PMEL: variants seen among roughly 807,000 people sequenced by gnomAD.
The protein encoded by PMEL is melanocyte protein PMEL.
A neutral mutation model predicts 64.9 loss-of-function variants in PMEL; 53 were observed. The observed-to-expected ratio is 0.82, with a 90% CI of 0.66 to 1.03. PMEL has a LOEUF of 1.03. Ranked by LOEUF, PMEL falls within the 50% of genes least tolerant of loss-of-function variation. The pLI, the probability that PMEL is intolerant of heterozygous loss-of-function variation, is 0.00. For missense variants in PMEL, 716 were observed against 814.9 expected (o/e 0.88, Z 1.48); for synonymous variants, 299 against 316.2 (o/e 0.95, Z 0.58).
rs560810723 is a variant in PMEL at position 55,957,061 on chromosome 12, T to C, written c.1242A>G (p.Thr414=). 6.2e-7 allele frequency: 1 copy of C among 1,614,272 alleles called. No individual in the cohort carries two copies. Among genetic ancestry groups the C allele is most frequent in the East Asian group, 2.2e-5 (1 of 44,892 alleles). ...ACTCTGTAGTTGTTACCTGTGCAGC[T>C]GTGGTTCCAGAAAGCACCACAATTG... The part of the protein sequence containing the change: ...EVSIVVLSGT[T]AAQVTTTEWV... The change falls in exon 6 of 11, where the codon ACA becomes ACG. Residue 414 remains threonine (T), a synonymous_variant. Coordinates refer to ENST00000548747, the MANE Select transcript of PMEL (RefSeq NM_001384361.1).
Position 55,966,000 on chromosome 12 carries a change from C to A in PMEL, c.12G>T (p.Val4=). Residue 4 remains valine (V), a synonymous_variant, in exon 1 of 11, where the codon GTG becomes GTT. Transcript: ENST00000548747. ...CCAAATGAAGAAGGCATCTTTTTAG[C>A]ACCAGATCCATTGTGTTCTTCCCTC... MDL[V]LKRCLLHLAV... The A allele has an allele frequency of 6.2e-7, 1 of 1,614,224 alleles. No homozygotes were observed. The highest frequency in any genetic ancestry group is 8.5e-7 in the Non-Finnish European group (1 of 1,180,018).
At position 55,954,166 on chromosome 12, in the gene PMEL, A is replaced by C; in HGVS notation, c.*48T>G. 1 of 1,546,294 alleles carries C rather than the reference A, an allele frequency of 6.5e-7. No homozygotes were observed. The highest frequency in any genetic ancestry group is 8.8e-7 in the Non-Finnish European group (1 of 1,139,006). ...TCCCAGGGAAGACTGGGGGAAATAT[A>C]GGTGTTTCTGTCAACTCCAGGAAAA... On this transcript the variant is annotated 3_prime_UTR_variant, in exon 11 of 11. Transcript: ENST00000548747.
At position 55,957,062 on chromosome 12, in the gene PMEL, G is replaced by A. The variant is rs1395875546; in HGVS notation, c.1241C>T (p.Thr414Ile). Residue 414 changes from threonine to isoleucine, a missense_variant, in exon 6 of 11, where the codon ACA becomes ATA. Transcript: ENST00000548747. The stretch of plus-strand genomic sequence containing the variant: ...CTCTGTAGTTGTTACCTGTGCAGCT[G>A]TGGTTCCAGAAAGCACCACAATTGA... ...EVSIVVLSGT[T>I]AAQVTTTEWV... 1.9e-6 allele frequency: 3 copies of A among 1,614,262 alleles called. No individual in the cohort carries two copies. The highest frequency in any genetic ancestry group is 2.5e-6 in the Non-Finnish European group (3 of 1,180,048).
At chr12:55,954,775 G>T (rs1429073063) in intron 10 of PMEL, among the ~76,000 whole-genome samples, 1 of 152,164 alleles carries the variant, frequency 6.6e-6, no homozygotes, top group Non-Finnish European at 1.5e-5. Context: ...GTGGTGGCAG[G>T]TGCCTGAAAT....
At chr12:55,966,700 G>C, upstream of PMEL, 1 of 1,109,998 alleles carries the variant, frequency 9.0e-7, no homozygotes, top group Non-Finnish European at 1.1e-6. Flanking sequence ...CATTTGCGGG[G>C]AGGAGCGCTG....
upstream of PMEL, chr12:55,966,542 G>T: frequency 2.7e-6 from 1 of 366,388 alleles, no homozygotes; most frequent in Non-Finnish European, 3.9e-6. Flanking sequence ...GGTGAAAATA[G>T]TGAGTTAGAA....
At chr12:55,966,262 G>A, upstream of PMEL, 1 of 576,204 alleles carries the variant, frequency 1.7e-6, no homozygotes, top group South Asian at 2.1e-5. Flanking sequence ...CCGGGCAAGA[G>A]CTAACTGAAA....
intron 1 of PMEL, among the ~76,000 whole-genome samples, chr12:55,963,669 T>C (rs537898353): frequency 2.2e-4 from 33 of 152,286 alleles, no homozygotes; most frequent in African/African-American, 7.5e-4. Context: ...AACAGACTCT[T>C]TCCAGGATAC....
In PMEL at chr12:55,955,351, T is replaced by G; in HGVS notation, c.1773A>C (p.Ala591=). 6.2e-7 allele frequency: 1 copy of G among 1,614,236 alleles called. No homozygotes were observed. The highest frequency in any genetic ancestry group is 8.5e-7 in the Non-Finnish European group (1 of 1,180,036). Residue 591 remains alanine (A), a synonymous_variant, in exon 10 of 11, where the codon GCA becomes GCC. Coordinates refer to ENST00000548747, the MANE Select transcript of PMEL (RefSeq NM_001384361.1). The part of the protein sequence containing the change: ...STQLIMPGQE[A]GLGQVPLIVG... The stretch of plus-strand genomic sequence containing the variant: ...CGATCAGCGGAACCTGCCCAAGGCC[T>G]GCTTCTTGACCTGTGAGAAGAATCC...
chr12:55,956,046 C>T, intron 7 of PMEL, 57 bp downstream of exon 7: 2 of 1,287,972 alleles, frequency 1.6e-6, no homozygotes, highest in Non-Finnish European at 2.3e-6. Context: ...CTTCCACTGA[C>T]CAGCCCTAGG....
chr12:55,965,159 C>G (rs1889246075), intron 1 of PMEL, among the ~76,000 whole-genome samples: 3 of 151,896 alleles, frequency 2.0e-5, no homozygotes, highest in African/African-American at 7.2e-5. Context: ...GAACTCCTGA[C>G]CTCGTGATCC....
In PMEL at chr12:55,961,375, T is replaced by C. The variant is rs1411208237; in HGVS notation, c.276A>G (p.Gly92=). 1.2e-6 allele frequency: 2 copies of C among 1,614,054 alleles called. No individual in the cohort carries two copies. Among genetic ancestry groups the C allele is most frequent in the Non-Finnish European group, 1.7e-6 (2 of 1,180,026 alleles). Residue 92 remains glycine (G), a synonymous_variant, in exon 3 of 11, where the codon GGA becomes GGG. Transcript: ENST00000548747. ...GCCCATCTGGCAATACCTTTTGGCT[T>C]CCAGGGAAGTTCAAGGCAATAGAGA... The part of the protein sequence containing the change: ...ASFSIALNFP[G]SQKVLPDGQV...
upstream of PMEL, chr12:55,966,703 G>A (rs1055164465): frequency 7.1e-5 from 79 of 1,111,520 alleles, no homozygotes; most frequent in Admixed American, 3.2e-4. Context: ...TTGCGGGGAG[G>A]AGCGCTGGGC....
chr12:55,960,337 G>T (rs1165476751), intron 3 of PMEL, among the ~76,000 whole-genome samples: 1 of 151,648 alleles, frequency 6.6e-6, no homozygotes, highest in Non-Finnish European at 1.5e-5. Flanking sequence ...CAACTTCTAG[G>T]TCCCCTGAAT....
At chr12:55,956,744 A>T (rs571331346) in intron 6 of PMEL, among the ~76,000 whole-genome samples, 1 of 152,204 alleles carries the variant, frequency 6.6e-6, no homozygotes, top group Admixed American at 6.5e-5. Flanking sequence ...CTCATGGCCT[A>T]GGGGAAGACC....
chr12:55,958,323 G>A, intron 4 of PMEL, 150 bp downstream of exon 4: 1 of 851,512 alleles, frequency 1.2e-6, no homozygotes, highest in Non-Finnish European at 1.8e-6. Flanking sequence ...AAGGGGGCTA[G>A]GTGCTAAGAA....
In PMEL at chr12:55,954,161, A is replaced by T; in HGVS notation, c.*53T>A. ...TAGTCTCCCAGGGAAGACTGGGGGA[A>T]ATATAGGTGTTTCTGTCAACTCCAG... On this transcript the variant is annotated 3_prime_UTR_variant, in exon 11 of 11. Transcript: ENST00000548747. 1 of 1,529,378 alleles carries T rather than the reference A, an allele frequency of 6.5e-7. No homozygotes were observed. Among genetic ancestry groups the T allele is most frequent in the Non-Finnish European group, 8.9e-7 (1 of 1,126,656 alleles). The allele number at this position is 1,529,378 out of a possible 1,614,324, so 94.7% of individuals were successfully genotyped here.
intron 1 of PMEL, among the ~76,000 whole-genome samples, chr12:55,965,472 C>A (rs945743658): frequency 6.8e-6 from 1 of 148,086 alleles, no homozygotes; most frequent in Admixed American, 6.8e-5. Flanking sequence ...TCAGCTGAGA[C>A]CCCTCTGCCT....
intron 4 of PMEL, 97 bp from the exon 5 acceptor site, chr12:55,958,181 G>T: frequency 7.8e-7 from 1 of 1,274,346 alleles, no homozygotes; most frequent in Non-Finnish European, 1.1e-6. Context: ...GGGAGGTCAG[G>T]AAGTATGATT....
Sources: allele counts gnomAD v4.1 joint callset (sites outside exome capture counted in the v4.1 genomes callset), GRCh38; gene constraint gnomAD v4.1.1; transcripts MANE v1.5; gene names NCBI Gene and HGNC (gene_info 2026-07-23, HGNC 2026-07-21).